SORCS2: variants seen among roughly 807,000 people sequenced by gnomAD.
SORCS2 encodes the protein VPS10 domain-containing receptor SorCS2.
Under a neutral mutation model 141.6 loss-of-function variants are expected in SORCS2, and 100 were observed. The observed-to-expected ratio is 0.71, with a 90% CI of 0.60 to 0.83. The LOEUF is 0.83. Among genes scored for constraint, SORCS2 ranks in the 40% least tolerant of loss-of-function variants. SORCS2 has a pLI of 0.00. For missense variants in SORCS2, 1,646 were observed against 1,560.2 expected (o/e 1.05, Z -0.93); for synonymous variants, 789 against 676.9 (o/e 1.17, Z -2.57).
At chr4:7,527,262 C>T (rs975183371) in intron 2 of SORCS2, among the ~76,000 whole-genome samples, 3 of 152,256 alleles carry the variant, frequency 2.0e-5, no homozygotes, top group Non-Finnish European at 2.9e-5. Flanking sequence ...TCCTAATCCC[C>T]GGAAACTGTG....
At chr4:7,369,987 A>G (rs1351478294) in intron 1 of SORCS2, among the ~76,000 whole-genome samples, 1 of 152,144 alleles carries the variant, frequency 6.6e-6, no homozygotes, top group Non-Finnish European at 1.5e-5. Flanking sequence ...TCCCTCTCTG[A>G]GCCTCAGTTT....
chr4:7,407,143 C>T (rs932166174), intron 2 of SORCS2, among the ~76,000 whole-genome samples: 10 of 151,900 alleles, frequency 6.6e-5, no homozygotes, highest in Admixed American at 6.6e-4. Context: ...CTGATGAATT[C>T]TATAGCATTT....
chr4:7,467,112 G>A (rs986383601), intron 2 of SORCS2, among the ~76,000 whole-genome samples: 7 of 152,096 alleles, frequency 4.6e-5, no homozygotes, highest in East Asian at 3.9e-4. Context: ...CCAGCCTGGC[G>A]TCCCCCCAGG....
chr4:7,609,275 G>C (rs1560423541), intron 3 of SORCS2, among the ~76,000 whole-genome samples: 1 of 152,162 alleles, frequency 6.6e-6, no homozygotes. Flanking sequence ...GAATACATTG[G>C]TTAAAATCTT....
chr4:7,361,869 C>G (rs569421908), intron 1 of SORCS2, among the ~76,000 whole-genome samples: 1 of 149,016 alleles, frequency 6.7e-6, no homozygotes, highest in East Asian at 2.0e-4. Context: ...GAGTGTGGCC[C>G]CGGACAGGCA....
chr4:7,578,144 T>C (rs1230375517), intron 3 of SORCS2, among the ~76,000 whole-genome samples: 1 of 152,218 alleles, frequency 6.6e-6, no homozygotes, highest in East Asian at 1.9e-4. Context: ...CAGAACCAGA[T>C]TGGTTACCAC....
intron 1 of SORCS2, among the ~76,000 whole-genome samples, chr4:7,312,642 G>T (rs1291001831): frequency 6.6e-6 from 1 of 152,180 alleles, no homozygotes; most frequent in African/African-American, 2.4e-5. Flanking sequence ...GGACATTTGT[G>T]GAGCCAGGCT....
At chr4:7,608,320 G>A (rs1043272587) in intron 3 of SORCS2, among the ~76,000 whole-genome samples, 13 of 152,090 alleles carry the variant, frequency 8.5e-5, no homozygotes, top group African/African-American at 2.9e-4. Context: ...CAGGATCTCC[G>A]GACCACGTCA....
At chr4:7,326,064 G>A (rs1719237946) in intron 1 of SORCS2, among the ~76,000 whole-genome samples, 2 of 152,134 alleles carry the variant, frequency 1.3e-5, no homozygotes, top group East Asian at 3.9e-4. Flanking sequence ...GCAGGGAAGG[G>A]TGTCAGGATG....
intron 5 of SORCS2, among the ~76,000 whole-genome samples, chr4:7,658,742 G>C (rs1721961854): frequency 6.6e-6 from 1 of 152,194 alleles, no homozygotes; most frequent in Non-Finnish European, 1.5e-5. Flanking sequence ...GGTAGACCTG[G>C]TCCCTGGAGA....
At chr4:7,323,979 GGGCTACCT>G (rs1268058361) in intron 1 of SORCS2, among the ~76,000 whole-genome samples, 1 of 152,162 alleles carries the variant, frequency 6.6e-6, no homozygotes, top group African/African-American at 2.4e-5. Context: ...TATACCACAT[GGGCTACCT>G]GGGTCCTAGG....
chr4:7,311,215 G>A (rs1485697119), intron 1 of SORCS2, among the ~76,000 whole-genome samples: 3 of 152,036 alleles, frequency 2.0e-5, no homozygotes, highest in Non-Finnish European at 2.9e-5. Context: ...ACTCAGCATC[G>A]CTGTTTTCAG....
intron 10 of SORCS2, among the ~76,000 whole-genome samples, chr4:7,683,339 CCGCTGAGCGGCTCTGCTGATCTTGTCTGG>C (rs1723666552): frequency 1.5e-5 from 2 of 134,900 alleles, no homozygotes; most frequent in Non-Finnish European, 3.3e-5. Flanking sequence ...TGGCTGGGCT[CCGCTGAGCGGCTCTGCTGATCTTGTCTGG>C]GCTCAGCTGG....
chr4:7,410,455 C>G (rs1303876085), intron 2 of SORCS2, among the ~76,000 whole-genome samples: 1 of 152,178 alleles, frequency 6.6e-6, no homozygotes, highest in African/African-American at 2.4e-5. Flanking sequence ...TTCTTGGTGA[C>G]CTCTCTGGGT....
intron 2 of SORCS2, among the ~76,000 whole-genome samples, chr4:7,416,926 A>T (rs1417427476): frequency 2.0e-5 from 3 of 151,996 alleles, no homozygotes; most frequent in African/African-American, 4.8e-5. Flanking sequence ...TGACACATTC[A>T]CACACACGCA....
intron 1 of SORCS2, among the ~76,000 whole-genome samples, chr4:7,316,435 A>C (rs1432446839): frequency 6.6e-6 from 1 of 152,224 alleles, no homozygotes; most frequent in African/African-American, 2.4e-5. Context: ...GTTTAGCCTC[A>C]GCCCAAGCAC....
At chr4:7,253,406 G>A (rs1028705669) in intron 1 of SORCS2, among the ~76,000 whole-genome samples, 7 of 151,974 alleles carry the variant, frequency 4.6e-5, no homozygotes, top group Admixed American at 1.3e-4. Flanking sequence ...GCAGTGACAC[G>A]GGCCGTCCCC....
intron 5 of SORCS2, among the ~76,000 whole-genome samples, chr4:7,654,577 C>T (rs1306179206): frequency 5.9e-5 from 9 of 152,156 alleles, no homozygotes; most frequent in African/African-American, 1.7e-4. Context: ...ATGTCCCCAG[C>T]GCAGCACCCG....
intron 1 of SORCS2, among the ~76,000 whole-genome samples, chr4:7,391,737 C>T (rs1723877918): frequency 6.6e-6 from 1 of 152,182 alleles, no homozygotes; most frequent in South Asian, 2.1e-4. Flanking sequence ...TTTCTCTGAA[C>T]CTCAGTTTCC....
Sources: gnomAD v4.1 joint callset for allele counts (sites outside exome capture counted in the v4.1 genomes callset) on GRCh38, gnomAD v4.1.1 for gene constraint, MANE v1.5 for transcripts, NCBI Gene and HGNC (gene_info 2026-07-23, HGNC 2026-07-21) for gene names.